Variants in TRIM38 observed in about 807,000 individuals in gnomAD.
The protein encoded by TRIM38 is E3 ubiquitin-protein ligase TRIM38.
TRIM38 carries 35 observed loss-of-function variants against 35.8 expected under a neutral mutation model. The ratio of observed to expected loss-of-function variants is 0.98; its 90% CI spans 0.75 to 1.30. TRIM38 has a LOEUF of 1.30. TRIM38 is among the 50% of genes most tolerant of loss of function. TRIM38 has a pLI of 0.00. For synonymous variants in TRIM38, 198 were observed against 204.7 expected (o/e 0.97, Z 0.28); for missense variants, 545 against 556.9 (o/e 0.98, Z 0.21).
chr6:25,963,107 C>A lies in TRIM38; in HGVS notation c.-364C>A, dbSNP rs2083894828. 2 of 152,310 alleles carry A rather than the reference C, an allele frequency of 1.3e-5. No homozygotes were observed. Among genetic ancestry groups the A allele is most frequent in the Non-Finnish European group, 2.9e-5 (2 of 68,110 alleles). 9.4% of individuals were successfully genotyped at this position (152,310 alleles called of 1,614,324 possible). A position where few individuals can be genotyped will look rare whatever the true frequency, so the allele number is the denominator to read the frequency against. ...AGATGAGTGGGGCCCAGGACAGGAA[C>A]CCTGGAGCCTTGGAAGGAGGGGAGC... On this transcript the variant is annotated 5_prime_UTR_variant, in exon 2 of 8. Coordinates refer to ENST00000357085, the MANE Select transcript of TRIM38 (RefSeq NM_006355.5).
At chr6:25,970,505 T>A (rs898384115) in intron 4 of TRIM38, among the ~76,000 whole-genome samples, 1 of 152,160 alleles carries the variant, frequency 6.6e-6, no homozygotes, top group African/African-American at 2.4e-5. Flanking sequence ...CTCTCTAACC[T>A]CTACCCTGAT....
intron 7 of TRIM38, among the ~76,000 whole-genome samples, chr6:25,982,298 T>C (rs933431993): frequency 1.6e-4 from 24 of 152,174 alleles, no homozygotes; most frequent in African/African-American, 5.1e-4. Flanking sequence ...TCAAAGAAAA[T>C]GCTAAACTGT....
Position 25,983,323 on chromosome 6 carries a change from G to C in TRIM38, c.1034G>C (p.Gly345Ala), listed in dbSNP as rs1212034633. ...CVLGCEGFTS[G>A]RRYFEVDVGE... ...TTGGGTTGTGAAGGCTTCACCTCAG[G>C]AAGACGTTACTTTGAAGTGGATGTT... The change falls in exon 8 of 8, where the codon GGA (glycine) becomes GCA (alanine). Residue 345 changes from glycine to alanine, a missense_variant. Transcript: ENST00000357085. 6.2e-7 allele frequency: 1 copy of C among 1,614,100 alleles called. No individual in the cohort carries two copies. The highest frequency in any genetic ancestry group is 1.1e-5 in the South Asian group (1 of 91,080).
intron 2 of TRIM38, among the ~76,000 whole-genome samples, chr6:25,964,584 A>G (rs762421013): frequency 6.6e-6 from 1 of 152,192 alleles, no homozygotes; most frequent in Non-Finnish European, 1.5e-5. Flanking sequence ...GGTTGGAAGG[A>G]AAAACAATTG....
intron 3 of TRIM38, among the ~76,000 whole-genome samples, chr6:25,967,309 T>C (rs1445171042): frequency 1.3e-5 from 2 of 152,094 alleles, no homozygotes; most frequent in East Asian, 3.9e-4. Context: ...CCCATCACCT[T>C]TTAGGTATCT....
Position 25,989,510 on chromosome 6 carries a change from C to CTTTTTTTT in TRIM38, c.*5840_*5847dup, listed in dbSNP as rs59539108. The CTTTTTTTT allele has an allele frequency of 4.9e-4, 46 of 93,626 alleles. No homozygotes were observed. Among genetic ancestry groups the CTTTTTTTT allele is most frequent in the Non-Finnish European group, 7.5e-4 (34 of 45,560 alleles). 5.8% of individuals were successfully genotyped at this position (93,626 alleles called of 1,614,324 possible). A position where few individuals can be genotyped will look rare whatever the true frequency, so the allele number is the denominator to read the frequency against. On this transcript the variant is annotated 3_prime_UTR_variant, in exon 8 of 8. Transcript: ENST00000357085. ...GCTATTGTTAGCAAGGTCTTGTATT[C>CTTTTTTTT]TTTTTTTTTTTTTTTTTTTTTTTTA...
chr6:25,985,049 G>A lies in TRIM38; in HGVS notation c.*1362G>A, dbSNP rs548696272. 3.9e-5 allele frequency: 6 copies of A among 152,418 alleles called. No homozygotes were observed. Among genetic ancestry groups the A allele is most frequent in the Middle Eastern group, 3.4e-3 (1 of 294 alleles). 9.4% of individuals were successfully genotyped at this position (152,418 alleles called of 1,614,324 possible). A position where few individuals can be genotyped will look rare whatever the true frequency, so the allele number is the denominator to read the frequency against. ...TAATTATGATGATAGAGGCTGGGTT[G>A]TAAGTAGTAAGTGAAGGGTAGCAGA... On this transcript the variant is annotated 3_prime_UTR_variant, in exon 8 of 8. Coordinates refer to ENST00000357085, the MANE Select transcript of TRIM38 (RefSeq NM_006355.5).
chr6:25,979,532 T>C (rs1019270435), intron 7 of TRIM38, among the ~76,000 whole-genome samples: 1 of 152,104 alleles, frequency 6.6e-6, no homozygotes, highest in African/African-American at 2.4e-5. Flanking sequence ...TAAAGTTCTG[T>C]AATATTTAAA....
chr6:25,986,142 T>A lies in TRIM38; in HGVS notation c.*2455T>A, dbSNP rs1285767771. The A allele has an allele frequency of 6.6e-6, 1 of 152,142 alleles. No individual in the cohort carries two copies. The allele number at this position is 152,142 out of a possible 1,614,324, so 9.4% of individuals were successfully genotyped here. A position where few individuals can be genotyped will look rare whatever the true frequency, so the allele number is the denominator to read the frequency against. On this transcript the variant is annotated 3_prime_UTR_variant, in exon 8 of 8. Transcript: ENST00000357085. ...TTGAAGAATTAGATGCAAATAAATTTGAAAACCTTTAAAAAGAAACCAATG... is the reference window on the plus strand; with the variant it reads ...TTGAAGAATTAGATGCAAATAAATTAGAAAACCTTTAAAAAGAAACCAATG...
chr6:25,973,305 C>T lies in TRIM38; in HGVS notation c.874+20C>T, dbSNP rs1760297146. ...ATCAAGGTATGTTCACTAAAGAATT[C>T]CTGAATACTGTGGATAGAAGGGGCC... On this transcript the variant is annotated intron_variant, in intron 7 of 7. Coordinates refer to ENST00000357085, the MANE Select transcript of TRIM38 (RefSeq NM_006355.5). The T allele has an allele frequency of 7.5e-6, 12 of 1,610,578 alleles. No homozygotes were observed. The highest frequency in any genetic ancestry group is 4.5e-5 in the East Asian group (2 of 44,792).
At chr6:25,978,767 A>G (rs1293492259) in intron 7 of TRIM38, among the ~76,000 whole-genome samples, 3 of 152,146 alleles carry the variant, frequency 2.0e-5, no homozygotes, top group African/African-American at 7.2e-5. Context: ...CCCAGGCTCA[A>G]GTGATCCTCT....
intron 5 of TRIM38, 120 bp from the exon 6 acceptor site, chr6:25,972,934 C>A: frequency 7.7e-7 from 1 of 1,305,200 alleles, no homozygotes; most frequent in Non-Finnish European, 1.1e-6. Context: ...ATATCTAAGA[C>A]TAAGACTAGG....
chr6:25,973,330 C>G, intron 7 of TRIM38, 45 bp downstream of exon 7: 2 of 1,590,946 alleles, frequency 1.3e-6, no homozygotes, highest in Non-Finnish European at 1.7e-6. Flanking sequence ...TAGAAGGGGC[C>G]TTATGCAGTA....
chr6:25,978,396 GTATC>G (rs1363723979), intron 7 of TRIM38, among the ~76,000 whole-genome samples: 3 of 151,858 alleles, frequency 2.0e-5, no homozygotes, highest in Admixed American at 1.3e-4. Flanking sequence ...GTCTATATCT[GTATC>G]TATCTATCTA....
chr6:25,969,701 G>A (rs1301905316), intron 4 of TRIM38, among the ~76,000 whole-genome samples: 2 of 152,094 alleles, frequency 1.3e-5, no homozygotes, highest in African/African-American at 4.8e-5. Flanking sequence ...CCTAGAAAAA[G>A]CATCGAGTGG....
chr6:25,970,275 A>G (rs1259117387), intron 4 of TRIM38, among the ~76,000 whole-genome samples: 1 of 152,236 alleles, frequency 6.6e-6, no homozygotes, highest in Non-Finnish European at 1.5e-5. Flanking sequence ...TGCAACTACA[A>G]ACTTTCAGAT....
chr6:25,968,874 T>G (rs1237523753), intron 3 of TRIM38, among the ~76,000 whole-genome samples: 1 of 152,260 alleles, frequency 6.6e-6, no homozygotes, highest in African/African-American at 2.4e-5. Flanking sequence ...AAATTTCATG[T>G]GTGCCAAACA....
In TRIM38 at chr6:25,986,181, A is replaced by C. The variant is rs1760701822; in HGVS notation, c.*2494A>C. On this transcript the variant is annotated 3_prime_UTR_variant, in exon 8 of 8. Coordinates refer to ENST00000357085, the MANE Select transcript of TRIM38 (RefSeq NM_006355.5). ...AAGAAACCAATGGCCTAACTGACCC[A>C]AGAAGGGAAAGAAAATCTAAACAGA... 6.6e-6 allele frequency: 1 copy of C among 152,256 alleles called. No individual in the cohort carries two copies. Among genetic ancestry groups the C allele is most frequent in the East Asian group, 1.9e-4 (1 of 5,204 alleles). 9.4% of individuals were successfully genotyped at this position (152,256 alleles called of 1,614,324 possible).
At chr6:25,974,879 C>T (rs1760344132) in intron 7 of TRIM38, 1 of 985,144 alleles carries the variant, frequency 1.0e-6, no homozygotes, top group Admixed American at 6.2e-5. Flanking sequence ...AACCCAAAAG[C>T]ACTCTGTATT....
Sources: allele counts gnomAD v4.1 joint callset (sites outside exome capture counted in the v4.1 genomes callset), GRCh38; gene constraint gnomAD v4.1.1; transcripts MANE v1.5; gene names NCBI Gene and HGNC (gene_info 2026-07-23, HGNC 2026-07-21).